ANKRD45: variants seen among roughly 807,000 people sequenced by gnomAD.
The protein encoded by ANKRD45 is ankyrin repeat domain-containing protein 45.
Under a neutral mutation model 28.1 loss-of-function variants are expected in ANKRD45, and 21 were observed. That is an observed-to-expected ratio of 0.75 (90% CI 0.53 to 1.08). The LOEUF is 1.08. Ranked by LOEUF, ANKRD45 falls within the 50% of genes least tolerant of loss-of-function variation. ANKRD45 has a pLI of 0.00. For synonymous variants in ANKRD45, 86 were observed against 103.9 expected (o/e 0.83, Z 1.05); for missense variants, 261 against 308.7 (o/e 0.85, Z 1.16).
the ANKRD45 span, among the ~76,000 whole-genome samples, chr1:173,691,396 C>T: frequency 4.6e-5 from 7 of 152,238 alleles, 1 homozygote; most frequent in African/African-American, 1.7e-4. Flanking sequence ...TAATCACAGG[C>T]GAGCCCCCAA....
intron 3 of ANKRD45, 64 bp downstream of exon 3, chr1:173,646,782 G>A: frequency 4.0e-6 from 6 of 1,515,670 alleles, no homozygotes; most frequent in South Asian, 1.2e-5. Context: ...GACATATCCT[G>A]TAACTCATAG....
At chr1:173,658,890 T>A (rs1034619739) in intron 2 of ANKRD45, 2 of 771,380 alleles carry the variant, frequency 2.6e-6, no homozygotes, top group African/African-American at 3.6e-5. Flanking sequence ...AATAGTAAAG[T>A]CTATGTTCTA....
chr1:173,660,368 T>A (rs1669725140), intron 1 of ANKRD45, among the ~76,000 whole-genome samples: 2 of 152,126 alleles, frequency 1.3e-5, no homozygotes, highest in African/African-American at 4.8e-5. Context: ...TCCAAGAAGA[T>A]GAGCATAAAC....
In ANKRD45 at chr1:173,610,110, C is replaced by T; in HGVS notation, c.*35G>A. 1 of 1,598,294 alleles carries T rather than the reference C, an allele frequency of 6.3e-7. No homozygotes were observed. The highest frequency in any genetic ancestry group is 1.7e-5 in the Admixed American group (1 of 59,016). On this transcript the variant is annotated 3_prime_UTR_variant, in exon 6 of 6. Coordinates refer to ENST00000333279, the MANE Select transcript of ANKRD45 (RefSeq NM_198493.3). Reference sequence around the variant, plus strand: ...CATGAATAGGTTTGCCTTTCAGATACTAAAAGAAAATGTGGCCTTTTACAG... The same window carrying T: ...CATGAATAGGTTTGCCTTTCAGATATTAAAAGAAAATGTGGCCTTTTACAG...
chr1:173,630,844 A>T (rs1448694310), intron 3 of ANKRD45, among the ~76,000 whole-genome samples: 1 of 134,402 alleles, frequency 7.4e-6, no homozygotes, highest in Non-Finnish European at 1.7e-5. Flanking sequence ...AAAAAAAAAA[A>T]AGAGAGAGAG....
chr1:173,688,523 T>C, the ANKRD45 span, among the ~76,000 whole-genome samples: 3 of 138,448 alleles, frequency 2.2e-5, no homozygotes, highest in African/African-American at 9.7e-5. Flanking sequence ...CCTCTTTGCC[T>C]CTTCCTCTCT....
At chr1:173,705,427 C>A in the ANKRD45 span, among the ~76,000 whole-genome samples, 1 of 151,094 alleles carries the variant, frequency 6.6e-6, no homozygotes, top group Non-Finnish European at 1.5e-5. Flanking sequence ...ACTTTGGGAG[C>A]CTAGGCAGGT....
chr1:173,692,113 G>A, the ANKRD45 span, among the ~76,000 whole-genome samples: 119,374 of 152,140 alleles, frequency 0.78, 48,016 homozygotes, highest in East Asian at 0.99. Flanking sequence ...GGAGTAGGTA[G>A]TCGAAAAAAG....
At chr1:173,702,717 C>CTTTT in the ANKRD45 span, among the ~76,000 whole-genome samples, 6 of 119,078 alleles carry the variant, frequency 5.0e-5, no homozygotes, top group Admixed American at 3.5e-4. Flanking sequence ...TCTGTGTCCT[C>CTTTT]TTTTTTTTTT....
intron 3 of ANKRD45, chr1:173,636,991 C>G (rs1370218142): frequency 2.6e-6 from 4 of 1,534,918 alleles, no homozygotes; most frequent in Admixed American, 2.0e-5. Context: ...TTAAGCACTG[C>G]AAATTAAAGA....
Position 173,609,203 on chromosome 1 carries a change from T to C in ANKRD45, c.*942A>G, listed in dbSNP as rs1464552945. On this transcript the variant is annotated 3_prime_UTR_variant, in exon 6 of 6. Transcript: ENST00000333279. ...TTAAAACAGGGTTATCTCAAAACCA[T>C]GGTTAAATAAATGTCAACTGACAAA... is the stretch of plus-strand genomic sequence containing the variant. Among the ~76,000 whole-genome samples, 2 of 152,190 alleles carry C rather than the reference T, an allele frequency of 1.3e-5. No individual in the cohort carries two copies. The highest frequency in any genetic ancestry group is 1.9e-4 in the East Asian group (1 of 5,186).
At chr1:173,709,274 C>T in the ANKRD45 span, among the ~76,000 whole-genome samples, 17 of 152,142 alleles carry the variant, frequency 1.1e-4, no homozygotes, top group Admixed American at 1.0e-3. Flanking sequence ...CATGGGCTAT[C>T]GGACTGAGAC....
chr1:173,711,808 T>TA, the ANKRD45 span, among the ~76,000 whole-genome samples: 1 of 152,126 alleles, frequency 6.6e-6, no homozygotes, highest in Non-Finnish European at 1.5e-5. Flanking sequence ...TTGACATAAA[T>TA]AAAAAGGGTT....
chr1:173,627,820 C>T (rs1311419625), intron 3 of ANKRD45, among the ~76,000 whole-genome samples: 2 of 151,924 alleles, frequency 1.3e-5, no homozygotes, highest in African/African-American at 4.8e-5. Context: ...CTTGCCACCG[C>T]TCTGCCAATC....
chr1:173,625,457 T>C (rs1667891582), intron 4 of ANKRD45, among the ~76,000 whole-genome samples: 1 of 152,190 alleles, frequency 6.6e-6, no homozygotes, highest in South Asian at 2.1e-4. Context: ...AAAAGCTCCA[T>C]CTTACTGAAA....
chr1:173,647,011 AC>A lies in ANKRD45; in HGVS notation c.330del (p.Tyr111ThrfsTer16), dbSNP rs1302003706. The A allele has an allele frequency of 1.2e-6, 2 of 1,612,618 alleles. No homozygotes were observed. The highest frequency in any genetic ancestry group is 2.7e-5 in the African/African-American group (2 of 74,886). Reference sequence around the variant, plus strand: ...GCTGCAGCACAATGTAAGAGTGTGTACCCTAACAAATGGAATGAAGATGGTG... The same window carrying A: ...GCTGCAGCACAATGTAAGAGTGTGTACCTAACAAATGGAATGAAGATGGTG... ...GVNLNEKTTR[G>X]YTLLHCAAAW... On this transcript the variant is annotated frameshift_variant and splice_region_variant, in exon 3 of 6. Coordinates refer to ENST00000333279, the MANE Select transcript of ANKRD45 (RefSeq NM_198493.3). LOFTEE classifies it high-confidence loss of function.
intron 2 of ANKRD45, among the ~76,000 whole-genome samples, chr1:173,648,269 G>A (rs1669025904): frequency 6.6e-6 from 1 of 152,048 alleles, no homozygotes; most frequent in Non-Finnish European, 1.5e-5. Context: ...CAGAGACAGA[G>A]TCTCAGTATA....
chr1:173,642,307 G>A (rs1378196377), intron 3 of ANKRD45, among the ~76,000 whole-genome samples: 2 of 152,158 alleles, frequency 1.3e-5, no homozygotes, highest in Non-Finnish European at 2.9e-5. Flanking sequence ...ACAAAAACTT[G>A]TCTCTGCCAC....
intron 1 of ANKRD45, among the ~76,000 whole-genome samples, chr1:173,661,432 A>G (rs540027018): frequency 6.6e-6 from 1 of 152,322 alleles, no homozygotes; most frequent in South Asian, 2.1e-4. Flanking sequence ...GCCATTCAAA[A>G]TAAGCAAGAA....
Sources: gnomAD v4.1 joint callset for allele counts (sites outside exome capture counted in the v4.1 genomes callset) on GRCh38, gnomAD v4.1.1 for gene constraint, MANE v1.5 for transcripts, NCBI Gene and HGNC (gene_info 2026-07-23, HGNC 2026-07-21) for gene names.